Variants in KIR2DL3 observed in about 807,000 individuals in gnomAD.
KIR2DL3 encodes killer cell immunoglobulin like receptor, two Ig domains and long cytoplasmic tail 3, also known as killer cell immunoglobulin-like receptor 2DL3.
In KIR2DL3, 39 loss-of-function variants were observed where a neutral mutation model predicts 33.8. The ratio of observed to expected loss-of-function variants is 1.15; its 90% CI spans 0.89 to 1.51. The LOEUF (loss-of-function observed/expected upper bound fraction) is 1.51. KIR2DL3 is among the 40% of genes most tolerant of loss of function. The pLI, the probability that KIR2DL3 is intolerant of heterozygous loss-of-function variation, is 0.00. For missense variants in KIR2DL3, 462 were observed against 426.2 expected (o/e 1.08, Z -0.74); for synonymous variants, 174 against 160.2 (o/e 1.09, Z -0.65).
chr19:54,746,203 A>G (rs2072461640), intron 4 of KIR2DL3, among the ~76,000 whole-genome samples: 1 of 134,258 alleles, frequency 7.4e-6, no homozygotes, highest in South Asian at 2.6e-4. Flanking sequence ...ACTTTTTAGT[A>G]TGTGGGGAAA....
Position 54,742,221 on chromosome 19 carries a change from TACTC to T in KIR2DL3, c.317_320del (p.His106ProfsTer39). ...GGACCTACAGATGCTACGGTTCTGT[TACTC>T]ACTCCCCCTATCAGTTGTCAGCTCC... On this transcript the variant is annotated frameshift_variant, in exon 3 of 8. Coordinates refer to ENST00000342376, the MANE Select transcript of KIR2DL3 (RefSeq NM_015868.3). LOFTEE classifies it high-confidence loss of function. 1.2e-6 allele frequency: 2 copies of T among 1,614,172 alleles called. No individual in the cohort carries two copies. Among genetic ancestry groups the T allele is most frequent in the East Asian group, 2.2e-5 (1 of 44,886 alleles).
Position 54,742,299 on chromosome 19 carries a change from C to T in KIR2DL3, c.370+20C>T. The T allele has an allele frequency of 6.2e-7, 1 of 1,613,458 alleles. No homozygotes were observed. Among genetic ancestry groups the T allele is most frequent in the Non-Finnish European group, 8.5e-7 (1 of 1,179,628 alleles). On this transcript the variant is annotated intron_variant, in intron 3 of 7. Transcript: ENST00000342376. ...TCACAGGTGAGAGTGTCCGGACATT[C>T]TCATTGTCATTGGGATGCAGAGTGA... is the stretch of plus-strand genomic sequence containing the variant.
At chr19:54,749,684 G>A (rs1456066428) in intron 5 of KIR2DL3, among the ~76,000 whole-genome samples, 2 of 71,570 alleles carry the variant, frequency 2.8e-5, no homozygotes, top group African/African-American at 5.4e-5. Context: ...ATTCCATGAA[G>A]TCAGGAGTTC....
At chr19:54,749,860 A>C (rs2073150710) in intron 5 of KIR2DL3, among the ~76,000 whole-genome samples, 1 of 81,414 alleles carries the variant, frequency 1.2e-5, no homozygotes, top group East Asian at 2.4e-4. Flanking sequence ...AGATTGCATC[A>C]CTGCACTCCA....
At chr19:54,742,822 A>G (rs2071430316) in intron 3 of KIR2DL3, among the ~76,000 whole-genome samples, 1 of 151,050 alleles carries the variant, frequency 6.6e-6, no homozygotes, top group Non-Finnish European at 1.5e-5. Flanking sequence ...TGGTCTCCAG[A>G]CTGGATTCTG....
intron 2 of KIR2DL3, among the ~76,000 whole-genome samples, chr19:54,741,556 G>C (rs2071115243): frequency 6.6e-6 from 1 of 152,006 alleles, no homozygotes; most frequent in Non-Finnish European, 1.5e-5. Flanking sequence ...CAGGAACAGG[G>C]TGTGTGGACA....
Position 54,751,847 on chromosome 19 carries a change from T to A in KIR2DL3, c.820+94T>A. ...TGTGTGTTCCTCACAGACAGGATGG[T>A]CCCTGGCCCAAGGCAGCAGCCACAG... On this transcript the variant is annotated intron_variant, in intron 6 of 7. Coordinates refer to ENST00000342376, the MANE Select transcript of KIR2DL3 (RefSeq NM_015868.3). 1.8e-6 allele frequency: 2 copies of A among 1,095,404 alleles called. 1 individual carries two copies. The highest frequency in any genetic ancestry group is 2.6e-6 in the Non-Finnish European group (2 of 762,940). The allele number at this position is 1,095,404 out of a possible 1,614,324, so 67.9% of individuals were successfully genotyped here.
At chr19:54,738,645 T>C (rs1600277771) in intron 1 of KIR2DL3, 66 bp downstream of exon 1, 88 of 1,611,000 alleles carry the variant, frequency 5.5e-5, no homozygotes, top group East Asian at 1.1e-4. Context: ...GAGTTGGAGA[T>C]ATAGGCCTGG....
At chr19:54,741,859 T>G (rs1600329058) in intron 2 of KIR2DL3, 121 bp from the exon 3 acceptor site, 1 of 1,280,074 alleles carries the variant, frequency 7.8e-7, no homozygotes, top group East Asian at 2.3e-5. Context: ...GAAAAGAACA[T>G]GAAGACACAG....
At chr19:54,744,941 TATATATATATATA>T (rs1315928325) in intron 4 of KIR2DL3, among the ~76,000 whole-genome samples, 1 of 26,504 alleles carries the variant, frequency 3.8e-5, no homozygotes. Flanking sequence ...TATATATATA[TATATATATATATA>T]TTTTTTTTTT....
intron 4 of KIR2DL3, among the ~76,000 whole-genome samples, chr19:54,744,897 TACACACACACACAC>T (rs1190927916): frequency 2.8e-4 from 16 of 57,320 alleles, no homozygotes; most frequent in Admixed American, 4.1e-4. Context: ...TATATATATA[TACACACACACACAC>T]ATATATAAAC....
intron 4 of KIR2DL3, among the ~76,000 whole-genome samples, chr19:54,745,305 T>C (rs753302597): frequency 6.7e-4 from 102 of 152,272 alleles, no homozygotes; most frequent in Non-Finnish European, 1.1e-3. Context: ...CCTTTGGATA[T>C]AAACCCAGTA....
chr19:54,744,174 G>A (rs1307312208), intron 4 of KIR2DL3, 86 bp downstream of exon 4: 39 of 1,572,374 alleles, frequency 2.5e-5, no homozygotes, highest in East Asian at 4.5e-5. Flanking sequence ...GAGAAGCATG[G>A]ACAGATGCAG....
chr19:54,741,444 G>A (rs1353366479), intron 2 of KIR2DL3, among the ~76,000 whole-genome samples: 8 of 152,080 alleles, frequency 5.3e-5, no homozygotes, highest in Non-Finnish European at 8.8e-5. Context: ...CATCCACATA[G>A]GGAGGGGTTG....
At chr19:54,750,792 A>C (rs1284485142) in intron 5 of KIR2DL3, among the ~76,000 whole-genome samples, 3 of 135,584 alleles carry the variant, frequency 2.2e-5, no homozygotes, top group Non-Finnish European at 4.9e-5. Flanking sequence ...TTTCAATGTG[A>C]GCCAGTCCCT....
rs2365225 is a variant in KIR2DL3, at chr19:54,751,114, G to A, written c.716-535G>A. 6.7e-4 allele frequency among the ~76,000 whole-genome samples: 80 copies of A among 119,550 alleles called. 2 individuals carry two copies. The highest frequency in any genetic ancestry group is 3.0e-3 in the South Asian group (9 of 3,014). The allele number at this position is 119,550 out of a possible 152,430, so 78.4% of individuals were successfully genotyped here. Reference sequence around the variant, plus strand: ...CAGTTCTGCAGGCTGTACTGGAAGCGTGGCACCAGCATCTATTTCTCGTGA... The same window carrying A: ...CAGTTCTGCAGGCTGTACTGGAAGCATGGCACCAGCATCTATTTCTCGTGA... On this transcript the variant is annotated intron_variant, in intron 5 of 7. Transcript: ENST00000342376.
chr19:54,743,604 C>T (rs1193408852), intron 3 of KIR2DL3, among the ~76,000 whole-genome samples, 191 bp from the exon 4 acceptor site: 7 of 150,972 alleles, frequency 4.6e-5, no homozygotes, highest in Admixed American at 1.3e-4. Context: ...GGTGGGGAAG[C>T]GAGGTCAGAG....
chr19:54,750,338 G>T (rs1179600441), intron 5 of KIR2DL3, among the ~76,000 whole-genome samples: 1 of 141,342 alleles, frequency 7.1e-6, no homozygotes, highest in African/African-American at 2.7e-5. Context: ...AGGAGGACAG[G>T]TGGTATTGAA....
chr19:54,741,578 C>T (rs78034378), intron 2 of KIR2DL3, among the ~76,000 whole-genome samples: 9,197 of 151,916 alleles, frequency 0.061, 374 homozygotes, highest in African/African-American at 0.12. Flanking sequence ...TGGTGCCTGC[C>T]TTATTCATCA....
Sources: gnomAD v4.1 joint callset for allele counts (sites outside exome capture counted in the v4.1 genomes callset) on GRCh38, gnomAD v4.1.1 for gene constraint, MANE v1.5 for transcripts, NCBI Gene and HGNC (gene_info 2026-07-23, HGNC 2026-07-21) for gene names.